Variants in CSMD1 observed in about 807,000 individuals in gnomAD.
The protein encoded by CSMD1 is CUB and sushi domain-containing protein 1.
CSMD1 carries 213 observed loss-of-function variants against 417.5 expected under a neutral mutation model. That is an observed-to-expected ratio of 0.51 (90% CI 0.46 to 0.57). The LOEUF (loss-of-function observed/expected upper bound fraction) is 0.57, where lower values mean the gene tolerates loss of function less well. Ranked by LOEUF, CSMD1 falls within the 20% of genes least tolerant of loss-of-function variation. CSMD1 has a pLI of 0.00. For synonymous variants in CSMD1, 2,862 were observed against 1,736.8 expected (o/e 1.65, Z -16.11); for missense variants, 6,923 against 4,529.7 (o/e 1.53, Z -15.17).
chr8:3,430,160 A>C (rs2938236), intron 12 of CSMD1, among the ~76,000 whole-genome samples: 136,776 of 152,124 alleles, frequency 0.9, 61,599 homozygotes, highest in Admixed American at 0.94. Context: ...TATACACACA[A>C]CTATACTGGG....
At chr8:4,475,511 A>C (rs1166853181) in intron 2 of CSMD1, among the ~76,000 whole-genome samples, 11 of 152,334 alleles carry the variant, frequency 7.2e-5, no homozygotes, top group Admixed American at 7.2e-4. Flanking sequence ...AGAGAAAAAC[A>C]TGGACTCAGA....
chr8:3,256,100 G>GCCC (rs1800631112), intron 26 of CSMD1, among the ~76,000 whole-genome samples: 1 of 152,070 alleles, frequency 6.6e-6, no homozygotes, highest in Non-Finnish European at 1.5e-5. Context: ...GGCTGAGGCA[G>GCCC]ACCAATCACC....
At chr8:4,416,187 T>G (rs963500495) in intron 3 of CSMD1, among the ~76,000 whole-genome samples, 1 of 152,142 alleles carries the variant, frequency 6.6e-6, no homozygotes, top group Non-Finnish European at 1.5e-5. Context: ...AATACCGGAG[T>G]CACTGTTTTG....
intron 2 of CSMD1, among the ~76,000 whole-genome samples, chr8:4,592,022 G>T (rs1000743634): frequency 6.6e-5 from 10 of 152,248 alleles, no homozygotes; most frequent in African/African-American, 2.4e-4. Context: ...GCCAGGATGG[G>T]ACCAGTGAAT....
chr8:4,354,918 T>A (rs954030104), intron 3 of CSMD1, among the ~76,000 whole-genome samples: 3 of 125,870 alleles, frequency 2.4e-5, no homozygotes, highest in South Asian at 2.5e-4. Context: ...GTTAAATATT[T>A]GAGTATTTTC....
chr8:4,159,733 T>C (rs948470913), intron 3 of CSMD1, among the ~76,000 whole-genome samples: 9 of 152,018 alleles, frequency 5.9e-5, no homozygotes, highest in African/African-American at 9.7e-5. Context: ...GGACTACAGG[T>C]GCCCGCCACC....
intron 1 of CSMD1, among the ~76,000 whole-genome samples, chr8:4,752,532 A>C (rs992516827): frequency 1.3e-5 from 2 of 152,170 alleles, no homozygotes; most frequent in Non-Finnish European, 2.9e-5. Context: ...TTTGAAACTC[A>C]AAGTTAAAAC....
chr8:3,609,451 C>A (rs145895709), intron 8 of CSMD1, among the ~76,000 whole-genome samples: 1 of 152,070 alleles, frequency 6.6e-6, no homozygotes, highest in East Asian at 1.9e-4. Context: ...AATAAGCAAG[C>A]TTTGTATTTT....
At chr8:3,180,499 T>A (rs534076637) in intron 37 of CSMD1, among the ~76,000 whole-genome samples, 26 of 152,306 alleles carry the variant, frequency 1.7e-4, no homozygotes, top group Non-Finnish European at 2.9e-4. Context: ...CATAAAAAAC[T>A]AGTAATATTA....
At chr8:3,823,535 G>A (rs1056600808) in intron 5 of CSMD1, among the ~76,000 whole-genome samples, 1 of 152,008 alleles carries the variant, frequency 6.6e-6, no homozygotes, top group Non-Finnish European at 1.5e-5. Context: ...TAAAAATAAA[G>A]TATAACTTAA....
At chr8:4,559,756 C>T (rs1246671077) in intron 2 of CSMD1, among the ~76,000 whole-genome samples, 1 of 152,226 alleles carries the variant, frequency 6.6e-6, no homozygotes, top group Non-Finnish European at 1.5e-5. Flanking sequence ...AATAGTGAGT[C>T]AGTTGTTATC....
chr8:3,067,218 G>C (rs537020986), intron 49 of CSMD1, among the ~76,000 whole-genome samples: 6 of 152,234 alleles, frequency 3.9e-5, no homozygotes, highest in African/African-American at 1.4e-4. Flanking sequence ...CGTGAGACAG[G>C]AGATACCATG....
chr8:3,090,316 CAAAAAAAAA>C (rs35534326), intron 48 of CSMD1, among the ~76,000 whole-genome samples: 22 of 79,802 alleles, frequency 2.8e-4, no homozygotes, highest in Non-Finnish European at 2.5e-4. Flanking sequence ...GACTGTATTT[CAAAAAAAAA>C]AAAAAAAAAA....
chr8:4,250,185 T>C (rs922067873), intron 3 of CSMD1, among the ~76,000 whole-genome samples: 2 of 152,332 alleles, frequency 1.3e-5, no homozygotes, highest in Admixed American at 6.5e-5. Flanking sequence ...TACATTTCTT[T>C]TCTTTACAAA....
At chr8:4,129,992 T>C (rs1014405007) in intron 3 of CSMD1, among the ~76,000 whole-genome samples, 1 of 152,148 alleles carries the variant, frequency 6.6e-6, no homozygotes, top group Non-Finnish European at 1.5e-5. Flanking sequence ...CCCTATGTGT[T>C]TATTGGGAAT....
chr8:4,944,531 G>C (rs11986688), intron 1 of CSMD1, among the ~76,000 whole-genome samples: 1 of 152,088 alleles, frequency 6.6e-6, no homozygotes, highest in Admixed American at 6.5e-5. Flanking sequence ...CAGACTCAGA[G>C]GCAGTTACTA....
At chr8:3,623,070 GTTC>G (rs1796333476) in intron 7 of CSMD1, among the ~76,000 whole-genome samples, 1 of 152,084 alleles carries the variant, frequency 6.6e-6, no homozygotes, top group Non-Finnish European at 1.5e-5. Flanking sequence ...CAATAGATTG[GTTC>G]ATTACACACC....
intron 8 of CSMD1, among the ~76,000 whole-genome samples, chr8:3,593,659 C>A (rs919854446): frequency 3.3e-5 from 5 of 152,138 alleles, no homozygotes; most frequent in Non-Finnish European, 7.3e-5. Flanking sequence ...AAATGAGGAT[C>A]CCACAAAAGA....
chr8:4,632,278 C>T (rs906780021), intron 2 of CSMD1, among the ~76,000 whole-genome samples: 5 of 152,090 alleles, frequency 3.3e-5, no homozygotes, highest in Admixed American at 6.5e-5. Flanking sequence ...TTTGGGAGGC[C>T]GAGGTGGGCA....
Sources: allele counts gnomAD v4.1 joint callset (sites outside exome capture counted in the v4.1 genomes callset), GRCh38; gene constraint gnomAD v4.1.1; transcripts MANE v1.5; gene names NCBI Gene and HGNC (gene_info 2026-07-23, HGNC 2026-07-21).